Variants in PTPRH observed in about 807,000 individuals in gnomAD.
PTPRH encodes the protein receptor-type tyrosine-protein phosphatase H.
A neutral mutation model predicts 130.2 loss-of-function variants in PTPRH; 113 were observed. That is an observed-to-expected ratio of 0.87 (90% CI 0.75 to 1.01). The LOEUF (loss-of-function observed/expected upper bound fraction) is 1.01. Among genes scored for constraint, PTPRH ranks in the 50% least tolerant of loss-of-function variants. PTPRH has a pLI of 0.00. For missense variants in PTPRH, 1,430 were observed against 1,425.0 expected, an observed-to-expected ratio of 1.00 and a Z score of -0.06; for synonymous variants, 556 against 577.9, an observed-to-expected ratio of 0.96 and a Z score of 0.54.
Position 55,186,544 on chromosome 19 carries a change from G to A in PTPRH, c.2567-4C>T. 2 of 1,373,156 alleles carry A rather than the reference G, an allele frequency of 1.5e-6. No individual in the cohort carries two copies. The highest frequency in any genetic ancestry group is 1.9e-6 in the Non-Finnish European group (2 of 1,068,602). 85.1% of individuals were successfully genotyped at this position (1,373,156 alleles called of 1,614,324 possible). A position where few individuals can be genotyped will look rare whatever the true frequency, so the allele number is the denominator to read the frequency against. Reference sequence around the variant, plus strand: ...AGGGGCACCCGGGACCAGTCATCTAGGAGAAGAGGCCAGCATTAGCCAGGC... The same window carrying A: ...AGGGGCACCCGGGACCAGTCATCTAAGAGAAGAGGCCAGCATTAGCCAGGC... On this transcript the variant is annotated splice_region_variant and splice_polypyrimidine_tract_variant and intron_variant, in intron 14 of 19. Transcript: ENST00000376350.
In PTPRH at chr19:55,181,634, C is replaced by A. The variant is rs1207099214; in HGVS notation, c.*120G>T. ...AAACCAGAGTTTGGGATACCAGCCC[C>A]CTCCTCCCACAGCACCCAGGAGTCT... On this transcript the variant is annotated 3_prime_UTR_variant, in exon 20 of 20. Transcript: ENST00000376350. 8.6e-6 allele frequency: 12 copies of A among 1,391,252 alleles called. No homozygotes were observed. The East Asian group carries it at 2.8e-4, about 32-fold the overall frequency. 86.2% of individuals were successfully genotyped at this position (1,391,252 alleles called of 1,614,324 possible). A position where few individuals can be genotyped will look rare whatever the true frequency, so the allele number is the denominator to read the frequency against.
chr19:55,198,310 C>T (rs931881239), intron 8 of PTPRH, among the ~76,000 whole-genome samples: 1 of 152,274 alleles, frequency 6.6e-6, no homozygotes, highest in Admixed American at 6.5e-5. Flanking sequence ...GGGGCCCTCT[C>T]GCTTCATCTA....
intron 12 of PTPRH, among the ~76,000 whole-genome samples, chr19:55,190,601 T>C: frequency 8.8e-6 from 1 of 113,790 alleles, no homozygotes; most frequent in East Asian, 2.0e-4. Context: ...AATTTATATA[T>C]TATATATTAT....
At chr19:55,189,450 C>T (rs1260619546) in intron 12 of PTPRH, among the ~76,000 whole-genome samples, 4 of 152,202 alleles carry the variant, frequency 2.6e-5, no homozygotes, top group Admixed American at 2.0e-4. Flanking sequence ...GCCCCACTGA[C>T]GTCTCTCTGA....
intron 10 of PTPRH, among the ~76,000 whole-genome samples, chr19:55,194,561 A>T (rs2086631894): frequency 6.6e-6 from 1 of 152,168 alleles, no homozygotes; most frequent in African/African-American, 2.4e-5. Context: ...TATTCCTAGG[A>T]AGTGATTGAT....
At chr19:55,185,364 C>G in intron 18 of PTPRH, 138 bp downstream of exon 18, 1 of 909,442 alleles carries the variant, frequency 1.1e-6, no homozygotes, top group Non-Finnish European at 1.6e-6. Flanking sequence ...TTCACGCCCC[C>G]CTTTATCTTC....
In PTPRH at chr19:55,202,067, T is replaced by C; in HGVS notation, c.1142A>G (p.Asn381Ser). The C allele has an allele frequency of 1.2e-6, 2 of 1,614,032 alleles. No individual in the cohort carries two copies. Among genetic ancestry groups the C allele is most frequent in the Non-Finnish European group, 8.5e-7 (1 of 1,179,916 alleles). Residue 381 changes from asparagine to serine, a missense_variant, in exon 6 of 20, where the codon AAT (asparagine) becomes AGT (serine). Transcript: ENST00000376350. ...CGACTGCCTCTCACCTGTGGTGGCA[T>C]TTCGAGTCTCCCGGGAGCTGTTGAT... ...NGINSSRETRNATTAPNPVRN... is the reference protein window; with the variant it reads ...NGINSSRETRSATTAPNPVRN...
At position 55,187,941 on chromosome 19, in the gene PTPRH, T is replaced by A. The variant is rs991228222; in HGVS notation, c.2475+137A>T. The A allele has an allele frequency of 2.6e-5, 17 of 659,146 alleles. No homozygotes were observed. In the African/African-American group the frequency reaches 2.9e-4, roughly 11 times the overall value. 40.8% of individuals were successfully genotyped at this position (659,146 alleles called of 1,614,324 possible). ...AGTGGAAAGATAACATGGCTGGGAA[T>A]CTCTGCACAATCCAATGACATATGT... is the stretch of plus-strand genomic sequence containing the variant. On this transcript the variant is annotated intron_variant, in intron 13 of 19. Transcript: ENST00000376350.
At chr19:55,182,849 C>T (rs1405783539) in intron 18 of PTPRH, among the ~76,000 whole-genome samples, 1 of 151,944 alleles carries the variant, frequency 6.6e-6, no homozygotes, top group Non-Finnish European at 1.5e-5. Flanking sequence ...GGCTGAAGTG[C>T]AGTGGCATGA....
chr19:55,193,024 T>C (rs1431490476), intron 10 of PTPRH, among the ~76,000 whole-genome samples: 1 of 145,604 alleles, frequency 6.9e-6, no homozygotes, highest in African/African-American at 2.5e-5. Flanking sequence ...AGCCCAGGAG[T>C]TTGAGACCAG....
intron 3 of PTPRH, among the ~76,000 whole-genome samples, chr19:55,206,426 C>T (rs2087057829): frequency 6.6e-6 from 1 of 151,378 alleles, no homozygotes; most frequent in Non-Finnish European, 1.5e-5. Context: ...CGGGCTCAAG[C>T]GATCCTCTCA....
Position 55,186,672 on chromosome 19 carries a change from A to G in PTPRH, c.2567-132T>C. On this transcript the variant is annotated intron_variant, in intron 14 of 19. Transcript: ENST00000376350. ...ATGGACAAAAGTCATGCCGAGACGC[A>G]GGCAGACCTTGGGAGCTACACAGGG... 1.6e-5 allele frequency: 12 copies of G among 763,238 alleles called. No homozygotes were observed. The South Asian group carries it at 2.2e-4, about 14-fold the overall frequency. 47.3% of individuals were successfully genotyped at this position (763,238 alleles called of 1,614,324 possible).
At chr19:55,206,610 C>A in intron 3 of PTPRH, 79 bp downstream of exon 3, 1 of 1,364,544 alleles carries the variant, frequency 7.3e-7, no homozygotes, top group South Asian at 1.9e-5. Flanking sequence ...AAGAACCTGT[C>A]GCATTTTGTC....
At chr19:55,182,182 G>T in intron 18 of PTPRH, 31 bp from the exon 19 acceptor site, 1 of 1,607,584 alleles carries the variant, frequency 6.2e-7, no homozygotes, top group African/African-American at 1.3e-5. Context: ...GTCAGACCAA[G>T]GGGCAGGAGT....
At chr19:55,192,120 C>T (rs1489599155) in intron 10 of PTPRH, 12 of 374,978 alleles carry the variant, frequency 3.2e-5, no homozygotes, top group East Asian at 1.4e-4. Flanking sequence ...GCATATAGTA[C>T]GGCCGGGCGC....
In PTPRH at chr19:55,196,521, C is replaced by T. The variant is rs748973028; in HGVS notation, c.2257+1G>A. On this transcript the variant is annotated splice_donor_variant, in intron 10 of 19. Coordinates refer to ENST00000376350, the MANE Select transcript of PTPRH (RefSeq NM_002842.5). LOFTEE classifies it high-confidence loss of function. Reference sequence around the variant, plus strand: ...TGGCTGGCCCGCGCGGCTCCGCTCACCTGCACTCTCGGTGTGGCAGACCAC... The same window carrying T: ...TGGCTGGCCCGCGCGGCTCCGCTCATCTGCACTCTCGGTGTGGCAGACCAC... 1.2e-6 allele frequency: 2 copies of T among 1,609,418 alleles called. No homozygotes were observed. The highest frequency in any genetic ancestry group is 1.7e-6 in the Non-Finnish European group (2 of 1,178,432).
chr19:55,204,423 A>C (rs2086978061), intron 4 of PTPRH, among the ~76,000 whole-genome samples: 1 of 152,196 alleles, frequency 6.6e-6, no homozygotes, highest in African/African-American at 2.4e-5. Context: ...ATTTTTGATC[A>C]TCAGAGTTCC....
chr19:55,186,215 G>T lies in PTPRH; in HGVS notation c.2778+10C>A, dbSNP rs2086320295. The T allele has an allele frequency of 6.2e-7, 1 of 1,605,030 alleles. No individual in the cohort carries two copies. Among genetic ancestry groups the T allele is most frequent in the Non-Finnish European group, 8.5e-7 (1 of 1,173,958 alleles). ...GCACCCAGTCAGCACCCAGGACTCA[G>T]ATCTCTCACCCGGCCGGCCTCCATG... On this transcript the variant is annotated intron_variant, in intron 16 of 19. Coordinates refer to ENST00000376350, the MANE Select transcript of PTPRH (RefSeq NM_002842.5).
chr19:55,192,466 G>A (rs2086572171), intron 10 of PTPRH, among the ~76,000 whole-genome samples: 3 of 152,210 alleles, frequency 2.0e-5, no homozygotes, highest in Middle Eastern at 3.4e-3. Flanking sequence ...AATGTATGTT[G>A]TTTATGTTAT....
Sources: allele counts gnomAD v4.1 joint callset (sites outside exome capture counted in the v4.1 genomes callset), GRCh38; gene constraint gnomAD v4.1.1; transcripts MANE v1.5; gene names NCBI Gene and HGNC (gene_info 2026-07-23, HGNC 2026-07-21).